CARMIL1: variants seen among roughly 807,000 people sequenced by gnomAD.
The protein encoded by CARMIL1 is capping protein regulator and myosin 1 linker 1.
A neutral mutation model predicts 177.1 loss-of-function variants in CARMIL1; 90 were observed. The ratio of observed to expected loss-of-function variants is 0.51; its 90% CI spans 0.43 to 0.61. CARMIL1 has a LOEUF of 0.61. Among genes scored for constraint, CARMIL1 ranks in the 20% least tolerant of loss-of-function variants. The probability of loss-of-function intolerance (pLI) is 0.00; values close to 1 mark genes in which losing one functional copy is unlikely to be tolerated. For missense variants in CARMIL1, 1,380 were observed against 1,667.0 expected (o/e 0.83, Z 3.00); for synonymous variants, 577 against 606.2 (o/e 0.95, Z 0.71).
At chr6:25,523,392 A>G (rs191674418) in intron 23 of CARMIL1, among the ~76,000 whole-genome samples, 98 of 152,310 alleles carry the variant, frequency 6.4e-4, no homozygotes, top group Non-Finnish European at 8.5e-4. Context: ...AATACATGTA[A>G]TCCTTAAAAT....
At chr6:25,458,006 A>G (rs550659849) in intron 8 of CARMIL1, among the ~76,000 whole-genome samples, 32 of 152,290 alleles carry the variant, frequency 2.1e-4, no homozygotes, top group Admixed American at 7.2e-4. Context: ...TTTCAGAGAG[A>G]TGGCAGGCAG....
chr6:25,314,308 A>C (rs574368602), intron 2 of CARMIL1, among the ~76,000 whole-genome samples: 2 of 142,652 alleles, frequency 1.4e-5, no homozygotes, highest in Non-Finnish European at 3.1e-5. Context: ...CCCTGTCTCT[A>C]CTAAAAATAC....
intron 2 of CARMIL1, among the ~76,000 whole-genome samples, chr6:25,293,302 G>GTGTGTGTGTGTGTGTGTGTT (rs367596061): frequency 6.9e-6 from 1 of 144,508 alleles, no homozygotes; most frequent in African/African-American, 2.7e-5. Flanking sequence ...GTGTGTGTGT[G>GTGTGTGTGTGTGTGTGTGTT]TGTTTTGTAG....
At position 25,604,179 on chromosome 6, in the gene CARMIL1, G is replaced by A. The variant is rs184638444; in HGVS notation, c.3553-633G>A. ...GCTTTGAACTCCTGGGGTTGGTCAG[G>A]TGATCCTCCTGCCTCAGCCTCCTGA... On this transcript the variant is annotated intron_variant, in intron 33 of 36. Transcript: ENST00000329474. Among the ~76,000 whole-genome samples, 12 of 152,258 alleles carry A rather than the reference G, an allele frequency of 7.9e-5. 1 individual carries two copies. The East Asian group carries it at 2.1e-3, about 27-fold the overall frequency.
intron 15 of CARMIL1, among the ~76,000 whole-genome samples, chr6:25,494,675 G>C (rs893512850): frequency 6.6e-6 from 1 of 152,202 alleles, no homozygotes; most frequent in Non-Finnish European, 1.5e-5. Context: ...CTCAACATCA[G>C]ATCACAGTCT....
chr6:25,371,178 G>C (rs1477675864), intron 2 of CARMIL1, among the ~76,000 whole-genome samples: 1 of 152,308 alleles, frequency 6.6e-6, no homozygotes, highest in Non-Finnish European at 1.5e-5. Flanking sequence ...GGGCACTTAG[G>C]TTGGTTCTGT....
chr6:25,600,580 C>T lies in CARMIL1; in HGVS notation c.3386C>T (p.Pro1129Leu). 6.2e-7 allele frequency: 1 copy of T among 1,613,924 alleles called. No individual in the cohort carries two copies. The highest frequency in any genetic ancestry group is 8.5e-7 in the Non-Finnish European group (1 of 1,179,892). Residue 1129 changes from proline (P) to leucine (L), a missense_variant, in exon 33 of 37, where the codon CCT becomes CTT. Pro to Leu is a moderately conservative substitution (Grantham distance 98). Transcript: ENST00000329474. ...NSERIEEIKT[P>L]DSFEESQGEE... ...GAACGGATAGAGGAGATAAAAACAC[C>T]TGACTCCTTTGAAGAGAGTCAAGGG... is the stretch of plus-strand genomic sequence containing the variant.
intron 4 of CARMIL1, among the ~76,000 whole-genome samples, chr6:25,427,028 G>A (rs562777825): frequency 2.0e-5 from 3 of 152,038 alleles, no homozygotes; most frequent in Non-Finnish European, 4.4e-5. Flanking sequence ...CTCTGTCTTC[G>A]CCCTCTTCCC....
intron 8 of CARMIL1, among the ~76,000 whole-genome samples, chr6:25,459,256 T>TTCTTTCTTTCTTTC (rs1799855860): frequency 8.3e-6 from 1 of 119,926 alleles, no homozygotes; most frequent in African/African-American, 3.2e-5. Context: ...CTTTCTTTCT[T>TTCTTTCTTTCTTTC]TCTTTCTTTC....
intron 8 of CARMIL1, among the ~76,000 whole-genome samples, chr6:25,463,880 T>C (rs301400): frequency 0.059 from 8,246 of 138,822 alleles, 247 homozygotes; most frequent in African/African-American, 0.077. Context: ...TGGAGTGCAG[T>C]GGCCTGATCT....
intron 29 of CARMIL1, among the ~76,000 whole-genome samples, chr6:25,561,754 C>T (rs1811141284): frequency 6.6e-6 from 1 of 152,128 alleles, no homozygotes; most frequent in South Asian, 2.1e-4. Flanking sequence ...ACTATTGAGT[C>T]AATATGTCTC....
At chr6:25,290,771 A>G (rs1305097346) in intron 2 of CARMIL1, among the ~76,000 whole-genome samples, 2 of 151,970 alleles carry the variant, frequency 1.3e-5, no homozygotes, top group East Asian at 1.9e-4. Flanking sequence ...TCTTTTGAAA[A>G]GTTAATCTGA....
chr6:25,316,423 CT>C (rs36000746), intron 2 of CARMIL1, among the ~76,000 whole-genome samples: 58,723 of 140,128 alleles, frequency 0.42, 11,864 homozygotes, highest in Middle Eastern at 0.49. Flanking sequence ...TTCCAGAGGG[CT>C]TTTTTTTTTT....
chr6:25,444,725 A>G (rs187952516), intron 5 of CARMIL1, among the ~76,000 whole-genome samples: 11 of 152,336 alleles, frequency 7.2e-5, no homozygotes, highest in South Asian at 4.2e-4. Context: ...ATGGCAGCAT[A>G]GTATTCCATG....
chr6:25,317,130 T>A (rs1428160098), intron 2 of CARMIL1, among the ~76,000 whole-genome samples: 1 of 152,072 alleles, frequency 6.6e-6, no homozygotes, highest in Admixed American at 6.6e-5. Context: ...GTTAGGGTGT[T>A]TTTTTCCTAA....
chr6:25,304,361 C>T (rs1316537435), intron 2 of CARMIL1, among the ~76,000 whole-genome samples: 3 of 152,130 alleles, frequency 2.0e-5, no homozygotes, highest in African/African-American at 7.2e-5. Context: ...CTAGGATGTC[C>T]TATAGAACAG....
intron 24 of CARMIL1, among the ~76,000 whole-genome samples, chr6:25,536,475 G>A (rs897256576): frequency 1.2e-4 from 18 of 152,010 alleles, no homozygotes; most frequent in South Asian, 2.1e-4. Flanking sequence ...AGATAATAAC[G>A]TATGTAACCT....
In CARMIL1 at chr6:25,558,996, A is replaced by T. The variant is rs910301576; in HGVS notation, c.2742+2146A>T. ...GTTAAATTTGCTGTTAGTGTAATGA[A>T]AAAGCATATTTTTGTGTGTGTAAAA... On this transcript the variant is annotated intron_variant, in intron 29 of 36. Transcript: ENST00000329474. The surrounding 1 kb of genome is among the most constrained non-coding windows in gnomAD (Gnocchi z 4.1). Among the ~76,000 whole-genome samples, 1 of 152,218 alleles carries T rather than the reference A, an allele frequency of 6.6e-6. No individual in the cohort carries two copies. The highest frequency in any genetic ancestry group is 1.5e-5 in the Non-Finnish European group (1 of 68,034).
intron 33 of CARMIL1, among the ~76,000 whole-genome samples, chr6:25,602,037 T>C (rs1215726309): frequency 6.6e-6 from 1 of 152,234 alleles, no homozygotes; most frequent in Non-Finnish European, 1.5e-5. Flanking sequence ...AACAATTAAC[T>C]ACATGGCAGG....
Sources: allele counts gnomAD v4.1 joint callset (sites outside exome capture counted in the v4.1 genomes callset), GRCh38; gene constraint gnomAD v4.1.1; non-coding constraint Gnocchi (gnomAD v3.1); transcripts MANE v1.5; gene names NCBI Gene and HGNC (gene_info 2026-07-23, HGNC 2026-07-21).